The following FAM184A variants were observed in gnomAD, a reference collection of about 807,000 sequenced individuals.
The protein encoded by FAM184A is protein FAM184A.
FAM184A carries 99 observed loss-of-function variants against 143.8 expected under a neutral mutation model. That is an observed-to-expected ratio of 0.69 (90% CI 0.58 to 0.81). The LOEUF (loss-of-function observed/expected upper bound fraction) is 0.81, where lower values mean the gene tolerates loss of function less well. FAM184A is among the 40% of genes least tolerant of loss of function. FAM184A has a pLI of 0.00. For synonymous variants in FAM184A, 427 were observed against 446.4 expected (o/e 0.96, Z 0.55); for missense variants, 1,217 against 1,310.5 (o/e 0.93, Z 1.10).
In FAM184A at chr6:119,023,091, T is replaced by C; in HGVS notation, c.1015-11A>G. ...CTGTTTTTGAAGAACCTAAGAAAGA[T>C]TAAATAGCCATTGTTAAAATGCAGG... On this transcript the variant is annotated splice_polypyrimidine_tract_variant and intron_variant, in intron 2 of 17. Coordinates refer to ENST00000338891, the MANE Select transcript of FAM184A (RefSeq NM_024581.6). 6.2e-7 allele frequency: 1 copy of C among 1,613,712 alleles called. No individual in the cohort carries two copies. Among genetic ancestry groups the C allele is most frequent in the Non-Finnish European group, 8.5e-7 (1 of 1,179,770 alleles).
chr6:119,027,076 G>A (rs1008659978), intron 1 of FAM184A, among the ~76,000 whole-genome samples: 19 of 152,090 alleles, frequency 1.2e-4, no homozygotes, highest in African/African-American at 4.6e-4. Flanking sequence ...TCTTTATGCT[G>A]AATTCAACTC....
chr6:119,075,431 C>T (rs1402982138), intron 1 of FAM184A, among the ~76,000 whole-genome samples: 1 of 152,106 alleles, frequency 6.6e-6, no homozygotes, highest in African/African-American at 2.4e-5. Context: ...TAGGTACTAT[C>T]ATCCCTATTT....
chr6:119,015,498 C>A (rs1056768283), intron 5 of FAM184A, among the ~76,000 whole-genome samples: 1 of 152,168 alleles, frequency 6.6e-6, no homozygotes, highest in African/African-American at 2.4e-5. Flanking sequence ...GTACTGGGTC[C>A]CCCAGCAGTG....
intron 1 of FAM184A, among the ~76,000 whole-genome samples, chr6:119,073,539 C>T (rs1242203128): frequency 1.3e-5 from 2 of 152,152 alleles, no homozygotes; most frequent in African/African-American, 4.8e-5. Flanking sequence ...ACTTTCCACC[C>T]CCACCACTAG....
chr6:119,142,637 T>C (rs1330880031), intron 1 of FAM184A, among the ~76,000 whole-genome samples: 5 of 152,180 alleles, frequency 3.3e-5, no homozygotes, highest in Admixed American at 3.3e-4. Context: ...AGTTTAGCCA[T>C]GTCCATTACT....
At chr6:119,035,619 T>G (rs531990753) in intron 1 of FAM184A, among the ~76,000 whole-genome samples, 4 of 152,200 alleles carry the variant, frequency 2.6e-5, no homozygotes, top group Non-Finnish European at 4.4e-5. Flanking sequence ...TGGTATCTTT[T>G]TAGGTCTGAT....
chr6:118,992,319 A>T (rs1161902545), intron 9 of FAM184A, among the ~76,000 whole-genome samples: 1 of 152,148 alleles, frequency 6.6e-6, no homozygotes, highest in African/African-American at 2.4e-5. Context: ...TAAACCACAG[A>T]CTGGTTGAGA....
intron 1 of FAM184A, among the ~76,000 whole-genome samples, chr6:119,094,008 CTCCCT>C (rs1156859620): frequency 6.9e-6 from 1 of 144,630 alleles, no homozygotes; most frequent in Non-Finnish European, 1.5e-5. Flanking sequence ...CTCCCCTCCC[CTCCCT>C]CCCTCTCTCC....
At chr6:119,081,806 G>A (rs1346448637), upstream of FAM184A, among the ~76,000 whole-genome samples, 1 of 152,164 alleles carries the variant, frequency 6.6e-6, no homozygotes, top group African/African-American at 2.4e-5. Flanking sequence ...TGGCATGCTG[G>A]TGCCTATCAG....
intron 9 of FAM184A, among the ~76,000 whole-genome samples, chr6:118,998,870 G>A (rs1784653314): frequency 6.6e-6 from 1 of 152,220 alleles, no homozygotes; most frequent in Non-Finnish European, 1.5e-5. Context: ...TCTAATTGTG[G>A]TAGGTAGTCA....
intron 1 of FAM184A, among the ~76,000 whole-genome samples, chr6:119,112,275 G>A (rs1243463878): frequency 6.6e-6 from 1 of 151,966 alleles, no homozygotes; most frequent in Non-Finnish European, 1.5e-5. Context: ...GGGATTACAG[G>A]CACGTTACAT....
chr6:119,131,180 A>G (rs1789525013), intron 1 of FAM184A, among the ~76,000 whole-genome samples: 1 of 152,116 alleles, frequency 6.6e-6, no homozygotes, highest in Admixed American at 6.6e-5. Context: ...TCTTGATGCC[A>G]ATGAATTTCC....
At chr6:119,093,444 C>T (rs1009453851) in intron 1 of FAM184A, among the ~76,000 whole-genome samples, 5 of 152,212 alleles carry the variant, frequency 3.3e-5, no homozygotes, top group African/African-American at 1.2e-4. Flanking sequence ...TCTCACTTAC[C>T]TATCCTATTC....
chr6:119,016,803 T>A lies in FAM184A; in HGVS notation c.1474A>T (p.Met492Leu), dbSNP rs764550544. ...TTACTGTGGACAGCTTCAATTGCCA[T>A]ATGGTGCTTCCAAGCTAATTCTTCC... Reference protein sequence around the residue: ...TLEELAWKHHMAIEAVHSNAI... With the variant: ...TLEELAWKHHLAIEAVHSNAI... The change falls in exon 5 of 18, where the codon ATG becomes TTG. Residue 492 changes from methionine to leucine, a missense_variant. Coordinates refer to ENST00000338891, the MANE Select transcript of FAM184A (RefSeq NM_024581.6). 1.9e-6 allele frequency: 3 copies of A among 1,614,192 alleles called. No individual in the cohort carries two copies.
chr6:119,040,261 T>C (rs1248651747), intron 1 of FAM184A, among the ~76,000 whole-genome samples: 1 of 152,200 alleles, frequency 6.6e-6, no homozygotes, highest in Non-Finnish European at 1.5e-5. Context: ...TTGCCGCCGG[T>C]AACTCGGGGT....
chr6:119,018,294 A>G (rs1424311706), intron 4 of FAM184A, among the ~76,000 whole-genome samples: 1 of 152,202 alleles, frequency 6.6e-6, no homozygotes, highest in Non-Finnish European at 1.5e-5. Flanking sequence ...GCTGGTGATG[A>G]CATTCTCTCA....
intron 1 of FAM184A, among the ~76,000 whole-genome samples, chr6:119,130,325 C>A (rs766113911): frequency 1.2e-4 from 18 of 152,172 alleles, no homozygotes; most frequent in Non-Finnish European, 2.2e-4. Flanking sequence ...GAAAGACTGA[C>A]AGATTCCTGT....
intron 4 of FAM184A, among the ~76,000 whole-genome samples, chr6:119,017,222 G>A (rs191177475): frequency 6.6e-6 from 1 of 152,322 alleles, no homozygotes; most frequent in Admixed American, 6.5e-5. Context: ...GGCTGGGCCG[G>A]GTGCAGTGGC....
rs1199793001 is a variant in FAM184A at position 119,078,333 on chromosome 6, C to G, written c.-34G>C. 7.0e-7 allele frequency: 1 copy of G among 1,423,188 alleles called. No homozygotes were observed. The highest frequency in any genetic ancestry group is 9.1e-7 in the Non-Finnish European group (1 of 1,093,988). The allele number at this position is 1,423,188 out of a possible 1,614,324, so 88.2% of individuals were successfully genotyped here. The stretch of plus-strand genomic sequence containing the variant: ...CAGACCCCAGCCGGGGCACCTGTCC[C>G]CGCGGGTGGAGGCAGGCCCGTGGAG... On this transcript the variant is annotated 5_prime_UTR_variant, in exon 1 of 18. Transcript: ENST00000338891. The surrounding 1 kb of genome is among the most constrained non-coding windows in gnomAD (Gnocchi z 5.5).
Sources: allele counts gnomAD v4.1 joint callset (sites outside exome capture counted in the v4.1 genomes callset), GRCh38; gene constraint gnomAD v4.1.1; non-coding constraint Gnocchi (gnomAD v3.1); transcripts MANE v1.5; gene names NCBI Gene and HGNC (gene_info 2026-07-23, HGNC 2026-07-21).